The following TRHDE variants were observed in gnomAD, a reference collection of about 807,000 sequenced individuals.
TRHDE encodes thyrotropin releasing hormone degrading enzyme.
A neutral mutation model predicts 125.7 loss-of-function variants in TRHDE; 72 were observed. The observed-to-expected ratio is 0.57, with a 90% CI of 0.47 to 0.70. The LOEUF (loss-of-function observed/expected upper bound fraction) is 0.70, where lower values mean the gene tolerates loss of function less well. Among genes scored for constraint, TRHDE ranks in the 30% least tolerant of loss-of-function variants. The pLI, the probability that TRHDE is intolerant of heterozygous loss-of-function variation, is 0.00. For missense variants in TRHDE, 1,110 were observed against 1,327.1 expected (o/e 0.84, Z 2.54); for synonymous variants, 509 against 509.1 (o/e 1.00, Z 0.00).
At chr12:72,298,232 A>T (rs1165034795) in intron 2 of TRHDE, among the ~76,000 whole-genome samples, 3 of 152,146 alleles carry the variant, frequency 2.0e-5, no homozygotes, top group Admixed American at 2.0e-4. Flanking sequence ...ATACTTGATA[A>T]TGTGTGTGAT....
At chr12:72,472,082 T>A (rs1319245138) in intron 4 of TRHDE, among the ~76,000 whole-genome samples, 9 of 152,218 alleles carry the variant, frequency 5.9e-5, no homozygotes, top group Admixed American at 5.9e-4. Context: ...TTAGAGAGAA[T>A]GTTTTTGCTT....
Position 72,604,312 on chromosome 12 carries a change from G to GT in TRHDE, c.2322-14570dup, listed in dbSNP as rs904461545. 7.9e-5 allele frequency among the ~76,000 whole-genome samples: 12 copies of GT among 151,456 alleles called. No individual in the cohort carries two copies. The South Asian group carries it at 1.0e-3, about 13-fold the overall frequency. On this transcript the variant is annotated intron_variant, in intron 12 of 18. Transcript: ENST00000261180. Reference sequence around the variant, plus strand: ...GAAATAATCAAGCAGCAGGTGTTAAGTTTTTTTTTAAAGGGCATTTTAGTC... The same window carrying GT: ...GAAATAATCAAGCAGCAGGTGTTAAGTTTTTTTTTTAAAGGGCATTTTAGTC...
intron 2 of TRHDE, among the ~76,000 whole-genome samples, chr12:72,158,295 C>T (rs1190459112): frequency 6.6e-6 from 1 of 151,790 alleles, no homozygotes. Context: ...CTTAAACCAG[C>T]ACTTGTACCC....
At chr12:72,560,357 C>A (rs1297792872) in intron 7 of TRHDE, among the ~76,000 whole-genome samples, 7 of 152,134 alleles carry the variant, frequency 4.6e-5, no homozygotes, top group African/African-American at 1.4e-4. Flanking sequence ...ACAAGGTCAA[C>A]TCATATTATG....
At chr12:72,490,189 C>A (rs912373684) in intron 5 of TRHDE, among the ~76,000 whole-genome samples, 5 of 151,618 alleles carry the variant, frequency 3.3e-5, no homozygotes, top group Non-Finnish European at 7.4e-5. Flanking sequence ...ATAGACATGT[C>A]TCCAAAAGAG....
At chr12:72,406,106 G>A (rs2093843029) in intron 3 of TRHDE, among the ~76,000 whole-genome samples, 1 of 152,088 alleles carries the variant, frequency 6.6e-6, no homozygotes, top group South Asian at 2.1e-4. Context: ...GGACTCTCAA[G>A]GCTTTTATAT....
At chr12:72,555,885 G>A (rs528883823) in intron 7 of TRHDE, among the ~76,000 whole-genome samples, 57 of 152,230 alleles carry the variant, frequency 3.7e-4, no homozygotes, top group Admixed American at 1.8e-3. Flanking sequence ...AAATGTATAA[G>A]CTCAGAACTT....
At chr12:72,540,308 A>G (rs1204913841) in intron 6 of TRHDE, among the ~76,000 whole-genome samples, 4 of 151,768 alleles carry the variant, frequency 2.6e-5, no homozygotes, top group South Asian at 2.1e-4. Flanking sequence ...TCAGGAGCTA[A>G]GTGATATTCT....
chr12:72,498,244 T>C (rs1022478775), intron 5 of TRHDE, among the ~76,000 whole-genome samples: 1 of 152,162 alleles, frequency 6.6e-6, no homozygotes, highest in Non-Finnish European at 1.5e-5. Flanking sequence ...AGCAAATGAG[T>C]ATGAAAAAAA....
chr12:72,222,621 C>T (rs1878024304), intron 2 of TRHDE, among the ~76,000 whole-genome samples: 1 of 152,110 alleles, frequency 6.6e-6, no homozygotes, highest in Non-Finnish European at 1.5e-5. Flanking sequence ...TTTTGAGAAC[C>T]TCCATTCTAC....
intron 3 of TRHDE, chr12:72,432,154 CTG>C (rs958569062): frequency 2.0e-5 from 3 of 152,352 alleles, no homozygotes; most frequent in African/African-American, 7.2e-5. Flanking sequence ...ATTACAGAGA[CTG>C]TGTGGCGGAC....
chr12:72,289,181 C>G (rs1196245346), intron 2 of TRHDE, among the ~76,000 whole-genome samples: 1 of 151,938 alleles, frequency 6.6e-6, no homozygotes, highest in Non-Finnish European at 1.5e-5. Flanking sequence ...CACATGAAGT[C>G]CAGGTGGTCA....
chr12:72,187,803 A>G (rs1280017992), intron 2 of TRHDE, among the ~76,000 whole-genome samples: 1 of 152,192 alleles, frequency 6.6e-6, no homozygotes, highest in Non-Finnish European at 1.5e-5. Context: ...TCTGAGAGGC[A>G]GAACTGGGAT....
chr12:72,223,460 C>T (rs1878040325), intron 2 of TRHDE, among the ~76,000 whole-genome samples: 1 of 152,098 alleles, frequency 6.6e-6, no homozygotes, highest in Non-Finnish European at 1.5e-5. Context: ...CATCTTTTCC[C>T]ATAATTGCTC....
At chr12:72,303,017 CTA>C (rs756342618) in intron 2 of TRHDE, 3 of 152,170 alleles carry the variant, frequency 2.0e-5, no homozygotes, top group Non-Finnish European at 4.4e-5. Flanking sequence ...TTGAGAACCA[CTA>C]TGCTTGAATA....
intron 17 of TRHDE, among the ~76,000 whole-genome samples, chr12:72,655,749 G>C (rs1874684835): frequency 6.6e-6 from 1 of 152,036 alleles, no homozygotes; most frequent in Non-Finnish European, 1.5e-5. Context: ...CACTTCTTTA[G>C]AAAAAAATTG....
At position 72,663,243 on chromosome 12, in the gene TRHDE, G is replaced by C. The variant is rs1445675181; in HGVS notation, c.*48G>C. 1 of 1,460,868 alleles carries C rather than the reference G, an allele frequency of 6.8e-7. No homozygotes were observed. Among genetic ancestry groups the C allele is most frequent in the Non-Finnish European group, 9.2e-7 (1 of 1,087,216 alleles). 90.5% of individuals were successfully genotyped at this position (1,460,868 alleles called of 1,614,324 possible). ...AATTCAACTCAGAAGTTTATGAGAA[G>C]ACACGCTTTTTGTGGAATGAGGAAA... On this transcript the variant is annotated 3_prime_UTR_variant, in exon 19 of 19. Transcript: ENST00000261180.
chr12:72,475,013 G>A (rs1876824954), intron 5 of TRHDE, among the ~76,000 whole-genome samples: 1 of 152,052 alleles, frequency 6.6e-6, no homozygotes, highest in African/African-American at 2.4e-5. Flanking sequence ...TGATTTATGT[G>A]CCTAGGCATT....
At chr12:72,268,717 C>T (rs1408105634), upstream of TRHDE, among the ~76,000 whole-genome samples, 1 of 152,046 alleles carries the variant, frequency 6.6e-6, no homozygotes, top group Non-Finnish European at 1.5e-5. Flanking sequence ...ACCCTGGAGC[C>T]AATACATTCA....
Sources: gnomAD v4.1 joint callset for allele counts (sites outside exome capture counted in the v4.1 genomes callset) on GRCh38, gnomAD v4.1.1 for gene constraint, MANE v1.5 for transcripts, NCBI Gene and HGNC (gene_info 2026-07-23, HGNC 2026-07-21) for gene names.